Variants in PHF20 observed in about 807,000 individuals in gnomAD.
The protein encoded by PHF20 is PHD finger protein 20, also known as glioma-expressed antigen 2.
Under a neutral mutation model 113.5 loss-of-function variants are expected in PHF20, and 23 were observed. That is an observed-to-expected ratio of 0.20 (90% CI 0.15 to 0.29). The LOEUF is 0.29. PHF20 is among the 10% of genes least tolerant of loss of function. PHF20 has a pLI of 1.00. For synonymous variants in PHF20, 434 were observed against 457.3 expected (o/e 0.95, Z 0.65); for missense variants, 943 against 1,219.6 (o/e 0.77, Z 3.38).
At position 35,842,548 on chromosome 20, in the gene PHF20, G is replaced by A. The variant is rs752993621; in HGVS notation, c.84-25G>A. ...TATTTGGGGTGGGTATTAAAGGAATGCCAATTTTTTTTTTTCTGACTCAGG... is the reference window on the plus strand; with the variant it reads ...TATTTGGGGTGGGTATTAAAGGAATACCAATTTTTTTTTTTCTGACTCAGG... On this transcript the variant is annotated intron_variant, in intron 2 of 17. Coordinates refer to ENST00000374012, the MANE Select transcript of PHF20 (RefSeq NM_016436.5). 9.4e-6 allele frequency: 15 copies of A among 1,597,400 alleles called. 1 individual carries two copies. In the South Asian group the frequency reaches 1.3e-4, roughly 14 times the overall value.
intron 4 of PHF20, among the ~76,000 whole-genome samples, chr20:35,854,458 C>G (rs2042793722): frequency 6.6e-6 from 1 of 152,160 alleles, no homozygotes; most frequent in African/African-American, 2.4e-5. Context: ...CAGGAGAACT[C>G]TATTATTAGC....
intron 9 of PHF20, among the ~76,000 whole-genome samples, chr20:35,898,127 G>A (rs572262098): frequency 6.6e-6 from 1 of 151,404 alleles, no homozygotes; most frequent in African/African-American, 2.4e-5. Context: ...CGCCCACCTC[G>A]GCCTCCCAAA....
chr20:35,828,841 G>C (rs2042308282), intron 2 of PHF20, among the ~76,000 whole-genome samples: 1 of 152,208 alleles, frequency 6.6e-6, no homozygotes, highest in African/African-American at 2.4e-5. Flanking sequence ...TCCATTTCTA[G>C]ATACCAAAGC....
intron 17 of PHF20, among the ~76,000 whole-genome samples, chr20:35,946,682 TTTATTTTATTTTATTTTATTTTA>T (rs1313027798): frequency 2.0e-5 from 2 of 98,448 alleles, no homozygotes; most frequent in Non-Finnish European, 4.1e-5. Flanking sequence ...TTTTATTTTA[TTTATTTTATTTTATTTTATTTTA>T]TTATTTTATT....
intron 2 of PHF20, among the ~76,000 whole-genome samples, chr20:35,826,774 A>G (rs2042269962): frequency 6.6e-6 from 1 of 152,162 alleles, no homozygotes; most frequent in South Asian, 2.1e-4. Context: ...TGTATCAGGC[A>G]TTCTGCTGGG....
chr20:35,917,911 C>T (rs1048616955), intron 13 of PHF20, among the ~76,000 whole-genome samples: 1 of 152,108 alleles, frequency 6.6e-6, no homozygotes, highest in Non-Finnish European at 1.5e-5. Context: ...CTTGAGGCAG[C>T]TGGGACCCGC....
At chr20:35,800,816 CACCAAGT>C (rs2041766375) in intron 1 of PHF20, among the ~76,000 whole-genome samples, 1 of 152,112 alleles carries the variant, frequency 6.6e-6, no homozygotes, top group Non-Finnish European at 1.5e-5. Flanking sequence ...CCAAAAGTAG[CACCAAGT>C]ATTAATATCT....
chr20:35,907,188 G>A (rs988174786), intron 10 of PHF20, among the ~76,000 whole-genome samples: 1 of 152,168 alleles, frequency 6.6e-6, no homozygotes, highest in Admixed American at 6.5e-5. Flanking sequence ...GGAAGCGGCG[G>A]TCTGATGACA....
rs1324831147 is a variant in PHF20, at chr20:35,931,406, G to C, written c.2262G>C (p.Glu754Asp). ...TTGGTGATGTGCAGAGAGTGATTGA[G>C]GTTCTGCATGGCCTGCAGCTCAAGA... The part of the protein sequence containing the change: ...QLLGDVQRVI[E>D]VLHGLQLKMS... Residue 754 changes from glutamate (E) to aspartate (D), a missense_variant, in exon 15 of 18, where the codon GAG becomes GAC. Physicochemically the swap from Glu to Asp is conservative, Grantham distance 45. Coordinates refer to ENST00000374012, the MANE Select transcript of PHF20 (RefSeq NM_016436.5). 1 of 1,613,520 alleles carries C rather than the reference G, an allele frequency of 6.2e-7. No homozygotes were observed. Among genetic ancestry groups the C allele is most frequent in the African/African-American group, 1.3e-5 (1 of 74,890 alleles).
In PHF20 at chr20:35,870,834, C is replaced by T. The variant is rs1413602000; in HGVS notation, c.923-121C>T. On this transcript the variant is annotated intron_variant, in intron 7 of 17. Transcript: ENST00000374012. ...AAGGGTATTTCCTTTTATCACTACTCTAACATTCCAGTAGTCTCTCTGTAA... is the reference window on the plus strand; with the variant it reads ...AAGGGTATTTCCTTTTATCACTACTTTAACATTCCAGTAGTCTCTCTGTAA... The T allele has an allele frequency of 6.3e-6, 4 of 636,350 alleles. No homozygotes were observed. In the East Asian group the frequency reaches 9.1e-5, roughly 14 times the overall value. 39.4% of individuals were successfully genotyped at this position (636,350 alleles called of 1,614,324 possible).
Position 35,917,510 on chromosome 20 carries a change from T to C in PHF20, c.1852T>C (p.Ser618Pro). ...LEEDNLSESS[S>P]ESFLWSDDEY... ...GGAGGATAATTTGAGTGAGTCCTCT[T>C]CTGAGAGCTTTCTCTGGAGTGATGA... Residue 618 changes from serine to proline, a missense_variant, in exon 13 of 18, where the codon TCT (serine) becomes CCT (proline). This residue lies in a region of PHF20 where 592 missense variants were observed against 787.2 expected (regional missense o/e 0.75). Coordinates refer to ENST00000374012, the MANE Select transcript of PHF20 (RefSeq NM_016436.5). 8 of 1,614,074 alleles carry C rather than the reference T, an allele frequency of 5.0e-6. No individual in the cohort carries two copies. Among genetic ancestry groups the C allele is most frequent in the Non-Finnish European group, 6.8e-6 (8 of 1,179,956 alleles).
intron 9 of PHF20, among the ~76,000 whole-genome samples, chr20:35,895,246 A>C (rs1216400708): frequency 6.6e-6 from 1 of 151,190 alleles, no homozygotes; most frequent in Non-Finnish European, 1.5e-5. Context: ...CTGGTCTCAA[A>C]CTCTTGACCT....
intron 4 of PHF20, chr20:35,855,288 T>C (rs1380932710): frequency 7.5e-7 from 1 of 1,329,854 alleles, no homozygotes; most frequent in Non-Finnish European, 9.9e-7. Context: ...CCCAGACCTT[T>C]GTTGTAAGTA....
chr20:35,871,569 C>A, intron 8 of PHF20, 81 bp from the exon 9 acceptor site: 3 of 1,195,888 alleles, frequency 2.5e-6, no homozygotes, highest in South Asian at 1.9e-5. Context: ...AAGTCCCTGG[C>A]TTTCTTAGAC....
At chr20:35,791,791 T>G (rs1267606427) in intron 1 of PHF20, among the ~76,000 whole-genome samples, 1 of 151,786 alleles carries the variant, frequency 6.6e-6, no homozygotes, top group Non-Finnish European at 1.5e-5. Context: ...CTACAAAATG[T>G]TGTCCGAGTG....
In PHF20 at chr20:35,941,067, C is replaced by A; in HGVS notation, c.2896+20C>A. The A allele has an allele frequency of 6.2e-7, 1 of 1,604,948 alleles. No individual in the cohort carries two copies. The highest frequency in any genetic ancestry group is 1.1e-5 in the South Asian group (1 of 90,118). ...TGGATGGTAGGGCTCCTTCATTGGC[C>A]CCCTGTGCATTGGCATGCAGTCGAG... On this transcript the variant is annotated intron_variant, in intron 17 of 17. Coordinates refer to ENST00000374012, the MANE Select transcript of PHF20 (RefSeq NM_016436.5).
chr20:35,811,825 C>A (rs1487624532), intron 2 of PHF20, among the ~76,000 whole-genome samples: 2 of 151,956 alleles, frequency 1.3e-5, no homozygotes, highest in East Asian at 3.9e-4. Context: ...GGCTGGAGTG[C>A]AGTGGCTCGA....
chr20:35,909,716 T>C (rs1407083827), intron 10 of PHF20, among the ~76,000 whole-genome samples: 1 of 152,214 alleles, frequency 6.6e-6, no homozygotes, highest in East Asian at 1.9e-4. Context: ...CAAATACCCT[T>C]AAGTCCTATG....
rs539829713 is a variant in PHF20 at position 35,786,164 on chromosome 20, G to A, written c.-33+14085G>A. On this transcript the variant is annotated intron_variant, in intron 1 of 17. Transcript: ENST00000374012. The stretch of plus-strand genomic sequence containing the variant: ...AGCACTTTGGGAGGCCGAGGCAGGT[G>A]GATCACGAGGTCAGGAGATCGAGAC... 5.9e-5 allele frequency among the ~76,000 whole-genome samples: 9 copies of A among 152,172 alleles called. No individual in the cohort carries two copies. In the East Asian group the frequency reaches 1.5e-3, roughly 26 times the overall value.
Sources: allele counts gnomAD v4.1 joint callset (sites outside exome capture counted in the v4.1 genomes callset), GRCh38; gene constraint gnomAD v4.1.1; regional missense constraint gnomAD v4.1.1; transcripts MANE v1.5; gene names NCBI Gene and HGNC (gene_info 2026-07-23, HGNC 2026-07-21).